Variants in RIMBP2 observed in about 807,000 individuals in gnomAD.
RIMBP2 encodes RIMS-binding protein 2.
A neutral mutation model predicts 118.6 loss-of-function variants in RIMBP2; 48 were observed. That is an observed-to-expected ratio of 0.40 (90% confidence interval 0.32 to 0.51). The LOEUF (loss-of-function observed/expected upper bound fraction) is 0.51, where lower values mean the gene tolerates loss of function less well. RIMBP2 is among the 20% of genes least tolerant of loss of function. The pLI, the probability that RIMBP2 is intolerant of heterozygous loss-of-function variation, is 0.41. For missense variants in RIMBP2, 1,551 were observed against 1,768.3 expected, an observed-to-expected ratio of 0.88 and a Z score of 2.20; for synonymous variants, 762 against 742.9, an observed-to-expected ratio of 1.03 and a Z score of -0.42.
intron 4 of RIMBP2, among the ~76,000 whole-genome samples, chr12:130,484,920 C>A (rs940960156): frequency 1.3e-5 from 2 of 152,200 alleles, no homozygotes; most frequent in Non-Finnish European, 2.9e-5. Flanking sequence ...CAACACTATT[C>A]TTTTTCAATT....
chr12:130,662,004 G>T (rs957685152), intron 1 of RIMBP2, among the ~76,000 whole-genome samples: 1 of 152,174 alleles, frequency 6.6e-6, no homozygotes, highest in African/African-American at 2.4e-5. Flanking sequence ...AATCACCTGG[G>T]CTTACCTACT....
intron 9 of RIMBP2, among the ~76,000 whole-genome samples, chr12:130,449,113 T>C (rs1185856716): frequency 6.6e-6 from 1 of 152,210 alleles, no homozygotes; most frequent in Non-Finnish European, 1.5e-5. Flanking sequence ...GCCTTTGAAA[T>C]ACTGTCAGGT....
chr12:130,599,735 G>C (rs919376073), intron 2 of RIMBP2, among the ~76,000 whole-genome samples: 3 of 152,174 alleles, frequency 2.0e-5, no homozygotes, highest in African/African-American at 7.2e-5. Context: ...CATATTGACA[G>C]TTTTACAGTT....
chr12:130,419,104 G>A lies in RIMBP2; in HGVS notation c.3238+3349C>T, dbSNP rs573171949. Among the ~76,000 whole-genome samples, 39 of 152,318 alleles carry A rather than the reference G, an allele frequency of 2.6e-4. No homozygotes were observed. Among genetic ancestry groups the A allele is most frequent in the African/African-American group, 7.5e-4 (31 of 41,582 alleles). ...GGATGTGTTATGAGCACCAAACCTCGACAGGGAAAGAGTAGCAGCCTCCCT... is the reference window on the plus strand; with the variant it reads ...GGATGTGTTATGAGCACCAAACCTCAACAGGGAAAGAGTAGCAGCCTCCCT... On this transcript the variant is annotated intron_variant, in intron 17 of 22. Transcript: ENST00000690449. This position sits in a 1 kb window ranked among gnomAD's most constrained non-coding sequence, Gnocchi z 4.3.
intron 2 of RIMBP2, among the ~76,000 whole-genome samples, chr12:130,614,576 A>G (rs1407446820): frequency 6.6e-6 from 1 of 152,202 alleles, no homozygotes; most frequent in Non-Finnish European, 1.5e-5. Flanking sequence ...TCTGACCCAG[A>G]GATTCCCAGA....
Position 130,424,556 on chromosome 12 carries a change from CCT to C in RIMBP2, c.2713_2714del (p.Arg905GlyfsTer21), listed in dbSNP as rs1367051943. 8.1e-6 allele frequency: 10 copies of C among 1,231,972 alleles called. No individual in the cohort carries two copies. The East Asian group carries it at 9.5e-5, about 12-fold the overall frequency. 76.3% of individuals were successfully genotyped at this position (1,231,972 alleles called of 1,614,324 possible). ...TGGCCGAGCGGCTGAACCGACAGCC[CCT>C]GTCTTCCAGAAGGAAGTCCTCCACG... ...PHVEDFLLEDRGCRFSRSATR... is the reference protein window; with the variant it reads ...PHVEDFLLEDXGCRFSRSATR... On this transcript the variant is annotated frameshift_variant, in exon 16 of 23. Coordinates refer to ENST00000690449, the MANE Select transcript of RIMBP2 (RefSeq NM_001393629.1). LOFTEE classifies it high-confidence loss of function. The surrounding 1 kb of genome is among the most constrained non-coding windows in gnomAD (Gnocchi z 9.8).
chr12:130,632,105 T>C (rs764326992), intron 1 of RIMBP2, among the ~76,000 whole-genome samples: 10 of 152,380 alleles, frequency 6.6e-5, no homozygotes, highest in Non-Finnish European at 1.2e-4. Context: ...ACCTACTTCA[T>C]CGTGGGACGA....
chr12:130,535,741 A>ATG (rs2053987942), intron 2 of RIMBP2, among the ~76,000 whole-genome samples: 1 of 15,072 alleles, frequency 6.6e-5, no homozygotes, highest in Non-Finnish European at 2.2e-4. Context: ...ATATATACAT[A>ATG]TATATATATA....
At position 130,438,393 on chromosome 12, in the gene RIMBP2, C is replaced by T; in HGVS notation, c.1628G>A (p.Gly543Asp). Residue 543 changes from glycine to aspartate, a missense_variant, in exon 12 of 23, where the codon GGC becomes GAC. By Grantham distance (94) the Gly-to-Asp change is moderately conservative (BLOSUM62 -1). This residue lies in a region of RIMBP2 where 1,038 missense variants were observed against 1,125.1 expected (regional missense o/e 0.92). Coordinates refer to ENST00000690449, the MANE Select transcript of RIMBP2 (RefSeq NM_001393629.1). ...TGLSNGANVT[G>D]YGVYAKGQRV... ...CTGCCCTTTGGCATACACGCCGTAG[C>T]CGGTAACGTTTGCGCCATTGGACAG... 1 of 1,601,278 alleles carries T rather than the reference C, an allele frequency of 6.2e-7. No homozygotes were observed. The highest frequency in any genetic ancestry group is 8.5e-7 in the Non-Finnish European group (1 of 1,173,444).
At chr12:130,572,255 A>G (rs530214908) in intron 2 of RIMBP2, among the ~76,000 whole-genome samples, 9 of 99,520 alleles carry the variant, frequency 9.0e-5, no homozygotes, top group Middle Eastern at 5.4e-3. Context: ...CGCACCACGG[A>G]GGTCCCAGCT....
At chr12:130,488,402 G>A (rs11060944) in intron 4 of RIMBP2, among the ~76,000 whole-genome samples, 9,352 of 151,358 alleles carry the variant, frequency 0.062, 382 homozygotes, top group East Asian at 0.18. Flanking sequence ...GATGGTAGGG[G>A]AAAAGATAGC....
Position 130,578,775 on chromosome 12 carries a change from G to A in RIMBP2, c.-217+49547C>T, listed in dbSNP as rs774061401. Among the ~76,000 whole-genome samples, 2 of 152,238 alleles carry A rather than the reference G, an allele frequency of 1.3e-5. No homozygotes were observed. Among genetic ancestry groups the A allele is most frequent in the Non-Finnish European group, 2.9e-5 (2 of 68,020 alleles). On this transcript the variant is annotated intron_variant, in intron 2 of 22. Coordinates refer to ENST00000690449, the MANE Select transcript of RIMBP2 (RefSeq NM_001393629.1). The surrounding 1 kb of genome is among the most constrained non-coding windows in gnomAD (Gnocchi z 4.1). ...ACTGCACGCTCCACTATCTGAAGTC[G>A]CAGGTCCTCATCTGGAGCCCTAGGG... is the stretch of plus-strand genomic sequence containing the variant.
chr12:130,610,796 G>A (rs1254700930), intron 2 of RIMBP2, among the ~76,000 whole-genome samples: 3 of 151,742 alleles, frequency 2.0e-5, no homozygotes, highest in South Asian at 2.1e-4. Flanking sequence ...TCCTGACCTC[G>A]TGATCCGCCC....
chr12:130,472,880 C>T (rs2081124617), intron 5 of RIMBP2, among the ~76,000 whole-genome samples: 1 of 152,180 alleles, frequency 6.6e-6, no homozygotes, highest in Admixed American at 6.5e-5. Flanking sequence ...TTACACCATT[C>T]TCAAGTTCAG....
intron 2 of RIMBP2, among the ~76,000 whole-genome samples, chr12:130,627,883 C>T (rs1387760372): frequency 6.6e-6 from 1 of 152,196 alleles, no homozygotes; most frequent in Non-Finnish European, 1.5e-5. Flanking sequence ...CCACGCTTAC[C>T]TCCACCTCCA....
intron 1 of RIMBP2, among the ~76,000 whole-genome samples, chr12:130,677,230 G>A (rs915049375): frequency 6.6e-6 from 1 of 152,152 alleles, no homozygotes; most frequent in African/African-American, 2.4e-5. Flanking sequence ...CCAAGCATAT[G>A]ATGATTATGT....
chr12:130,553,026 G>A (rs1421366449), intron 2 of RIMBP2, among the ~76,000 whole-genome samples: 2 of 151,974 alleles, frequency 1.3e-5, no homozygotes, highest in African/African-American at 2.4e-5. Context: ...GGTGGCAGGT[G>A]CCTGTAGTCC....
chr12:130,613,136 A>G (rs2060663120), intron 2 of RIMBP2, among the ~76,000 whole-genome samples: 1 of 152,244 alleles, frequency 6.6e-6, no homozygotes, highest in Non-Finnish European at 1.5e-5. Context: ...CGCATCTGTC[A>G]GAATCCAGGA....
chr12:130,407,410 T>G (rs2075280014), intron 20 of RIMBP2, among the ~76,000 whole-genome samples: 1 of 152,210 alleles, frequency 6.6e-6, no homozygotes, highest in Non-Finnish European at 1.5e-5. Context: ...GGCTTTTATT[T>G]CTCTCCTAAA....
Sources: allele counts gnomAD v4.1 joint callset (sites outside exome capture counted in the v4.1 genomes callset), GRCh38; gene constraint gnomAD v4.1.1; regional missense constraint gnomAD v4.1.1; non-coding constraint Gnocchi (gnomAD v3.1); transcripts MANE v1.5; gene names NCBI Gene and HGNC (gene_info 2026-07-23, HGNC 2026-07-21).